The following ARHGAP42 variants were observed in gnomAD, a reference collection of about 807,000 sequenced individuals.
The protein encoded by ARHGAP42 is rho GTPase-activating protein 42.
In ARHGAP42, 63 loss-of-function variants were observed where a neutral mutation model predicts 125.0. The ratio of observed to expected loss-of-function variants is 0.50; its 90% confidence interval spans 0.41 to 0.62. ARHGAP42 has a LOEUF of 0.62. Among genes scored for constraint, ARHGAP42 ranks in the 20% least tolerant of loss-of-function variants. ARHGAP42 has a pLI of 0.00. For synonymous variants in ARHGAP42, 339 were observed against 351.0 expected, an observed-to-expected ratio of 0.97 and a Z score of 0.38; for missense variants, 766 against 1,024.2, an observed-to-expected ratio of 0.75 and a Z score of 3.44.
intron 1 of ARHGAP42, among the ~76,000 whole-genome samples, chr11:100,694,120 A>T (rs1045088389): frequency 2.6e-5 from 4 of 151,870 alleles, no homozygotes; most frequent in African/African-American, 7.3e-5. Context: ...TTTAGTAGAG[A>T]TAGGGTTTCA....
At chr11:100,741,645 A>G (rs558329319) in intron 1 of ARHGAP42, among the ~76,000 whole-genome samples, 1 of 152,328 alleles carries the variant, frequency 6.6e-6, no homozygotes, top group East Asian at 1.9e-4. Context: ...TTAAGCCTAA[A>G]GCAAAGTGCC....
intron 22 of ARHGAP42, among the ~76,000 whole-genome samples, chr11:100,985,361 G>A (rs573658787): frequency 1.3e-5 from 2 of 152,020 alleles, no homozygotes; most frequent in African/African-American, 4.8e-5. Context: ...GTGATTTTTT[G>A]GAAAAATATT....
chr11:100,983,737 G>GC (rs1858602002), intron 22 of ARHGAP42, among the ~76,000 whole-genome samples: 1 of 152,178 alleles, frequency 6.6e-6, no homozygotes, highest in Non-Finnish European at 1.5e-5. Context: ...GGCTCAGGTG[G>GC]AAGTTTTTAG....
At chr11:100,853,705 T>G (rs1865257956) in intron 3 of ARHGAP42, among the ~76,000 whole-genome samples, 1 of 152,150 alleles carries the variant, frequency 6.6e-6, no homozygotes, top group Admixed American at 6.5e-5. Context: ...CTCCACCTTA[T>G]GAGTATAGAT....
intron 20 of ARHGAP42, 32 bp downstream of exon 20, chr11:100,976,469 A>C (rs1160487383): frequency 6.7e-7 from 1 of 1,489,814 alleles, no homozygotes; most frequent in Admixed American, 2.6e-5. Flanking sequence ...GCAAGATGTC[A>C]TTGTCTCAGT....
chr11:100,863,338 A>G (rs508856), intron 4 of ARHGAP42, among the ~76,000 whole-genome samples: 152,201 of 152,312 alleles, frequency 1, 76,045 homozygotes, highest in Middle Eastern at 1. Flanking sequence ...CGTTGATTAA[A>G]GGTAGAATCT....
At chr11:100,819,665 A>G (rs1247297693) in intron 3 of ARHGAP42, among the ~76,000 whole-genome samples, 1 of 152,160 alleles carries the variant, frequency 6.6e-6, no homozygotes, top group Non-Finnish European at 1.5e-5. Flanking sequence ...GCACCGATTT[A>G]AGGTTAGTAT....
At chr11:100,775,178 C>A (rs1320705127) in intron 2 of ARHGAP42, among the ~76,000 whole-genome samples, 1 of 152,186 alleles carries the variant, frequency 6.6e-6, no homozygotes, top group East Asian at 1.9e-4. Flanking sequence ...TTGAGTCCAT[C>A]CACATAACTT....
At chr11:100,902,699 C>G (rs971569970) in intron 4 of ARHGAP42, among the ~76,000 whole-genome samples, 10 of 152,024 alleles carry the variant, frequency 6.6e-5, no homozygotes, top group African/African-American at 2.4e-4. Flanking sequence ...AGTGCAGACT[C>G]CTGCTGCAGT....
chr11:100,895,585 A>G (rs1339095529), intron 4 of ARHGAP42, among the ~76,000 whole-genome samples: 2 of 151,076 alleles, frequency 1.3e-5, no homozygotes, highest in African/African-American at 4.9e-5. Context: ...GTACAAGTTC[A>G]GACCATGTTC....
At chr11:100,800,588 A>G (rs757059196) in intron 3 of ARHGAP42, among the ~76,000 whole-genome samples, 99 of 152,208 alleles carry the variant, frequency 6.5e-4, no homozygotes, top group Non-Finnish European at 1.1e-3. Flanking sequence ...CTTATAAGCC[A>G]TGGAGATGAA....
chr11:100,978,940 T>G (rs1204835921), intron 21 of ARHGAP42, 47 bp from the exon 22 acceptor site: 2 of 1,536,806 alleles, frequency 1.3e-6, no homozygotes, highest in Non-Finnish European at 1.8e-6. Context: ...TGAGCAGAAC[T>G]GAATGTGATT....
chr11:100,946,267 ATCT>A (rs1234031634), intron 10 of ARHGAP42, among the ~76,000 whole-genome samples: 3 of 152,026 alleles, frequency 2.0e-5, no homozygotes, highest in African/African-American at 7.2e-5. Flanking sequence ...GGCTGGTTTG[ATCT>A]TCTATACACA....
chr11:100,786,882 A>G (rs1475858929), intron 2 of ARHGAP42, among the ~76,000 whole-genome samples: 1 of 152,090 alleles, frequency 6.6e-6, no homozygotes, highest in Non-Finnish European at 1.5e-5. Flanking sequence ...ATCTGGAATT[A>G]TAATTCCCCT....
chr11:100,728,720 A>G (rs1440634978), intron 1 of ARHGAP42, among the ~76,000 whole-genome samples: 8 of 15,964 alleles, frequency 5.0e-4, no homozygotes, highest in East Asian at 9.7e-4. Context: ...TTGCGTATAT[A>G]TATATATATA....
Position 100,751,803 on chromosome 11 carries a change from G to A in ARHGAP42, c.155-18540G>A, listed in dbSNP as rs372703914. 2.4e-3 allele frequency among the ~76,000 whole-genome samples: 181 copies of A among 76,408 alleles called. 1 individual carries two copies. The highest frequency in any genetic ancestry group is 0.015 in the South Asian group (43 of 2,778). 50.1% of individuals were successfully genotyped at this position (76,408 alleles called of 152,430 possible). On this transcript the variant is annotated intron_variant, in intron 1 of 23. Coordinates refer to ENST00000298815, the MANE Select transcript of ARHGAP42 (RefSeq NM_152432.4). ...TTTTTTTTTTTTTTTTTTTTTTGAC[G>A]GAATCTCCCTTTGTCGCCCAGGCTG...
chr11:100,952,325 ATTAGACTGATT>A (rs1433909526), intron 12 of ARHGAP42, among the ~76,000 whole-genome samples: 1 of 152,154 alleles, frequency 6.6e-6, no homozygotes, highest in East Asian at 1.9e-4. Context: ...AGTCACCCTA[ATTAGACTGATT>A]TGTGATCCTG....
intron 3 of ARHGAP42, among the ~76,000 whole-genome samples, chr11:100,853,951 C>T (rs923580271): frequency 6.6e-6 from 1 of 151,240 alleles, no homozygotes; most frequent in African/African-American, 2.4e-5. Flanking sequence ...TTGGCCTACT[C>T]AAAAGAAAGA....
intron 23 of ARHGAP42, 136 bp downstream of exon 23, chr11:100,987,728 A>C: frequency 1.3e-6 from 1 of 781,776 alleles, no homozygotes; most frequent in Non-Finnish European, 2.1e-6. Flanking sequence ...ACGGGCATGC[A>C]TGAACACATC....
Sources: gnomAD v4.1 joint callset for allele counts (sites outside exome capture counted in the v4.1 genomes callset) on GRCh38, gnomAD v4.1.1 for gene constraint, MANE v1.5 for transcripts, NCBI Gene and HGNC (gene_info 2026-07-23, HGNC 2026-07-21) for gene names.